The following RAD54L2 variants were observed in gnomAD, a reference collection of about 807,000 sequenced individuals.
RAD54L2 encodes helicase ARIP4.
Under a neutral mutation model 138.4 loss-of-function variants are expected in RAD54L2, and 27 were observed. That is an observed-to-expected ratio of 0.20 (90% CI 0.14 to 0.27). RAD54L2 has a LOEUF of 0.27. RAD54L2 is among the 10% of genes least tolerant of loss of function. The probability of loss-of-function intolerance (pLI) is 1.00; values close to 1 mark genes in which losing one functional copy is unlikely to be tolerated. For missense variants in RAD54L2, 1,396 were observed against 1,890.2 expected, an observed-to-expected ratio of 0.74 and a Z score of 4.85; for synonymous variants, 644 against 723.2, an observed-to-expected ratio of 0.89 and a Z score of 1.76.
intron 19 of RAD54L2, among the ~76,000 whole-genome samples, chr3:51,653,723 T>A (rs558758011): frequency 2.6e-5 from 4 of 152,178 alleles, no homozygotes; most frequent in Non-Finnish European, 2.9e-5. Context: ...TAGGTGGGAA[T>A]TGAACAATGA....
chr3:51,575,715 T>C (rs988618085), intron 2 of RAD54L2, among the ~76,000 whole-genome samples: 1 of 152,252 alleles, frequency 6.6e-6, no homozygotes, highest in African/African-American at 2.4e-5. Flanking sequence ...GAGACTTTGC[T>C]GAAGTTGCTT....
At chr3:51,576,092 T>C (rs1378511290) in intron 2 of RAD54L2, among the ~76,000 whole-genome samples, 7 of 152,234 alleles carry the variant, frequency 4.6e-5, no homozygotes, top group Admixed American at 4.6e-4. Context: ...CTTTTCTGCA[T>C]CTATTGAGAT....
intron 2 of RAD54L2, among the ~76,000 whole-genome samples, chr3:51,573,978 T>C (rs1277091673): frequency 1.3e-5 from 2 of 151,268 alleles, no homozygotes; most frequent in Non-Finnish European, 2.9e-5. Flanking sequence ...GTGTGTCTCT[T>C]AATGCTATCC....
intron 3 of RAD54L2, among the ~76,000 whole-genome samples, chr3:51,613,983 C>A (rs1015597613): frequency 6.6e-6 from 1 of 152,056 alleles, no homozygotes; most frequent in Admixed American, 6.6e-5. Flanking sequence ...TGCTAAACGT[C>A]CTACAGCATG....
chr3:51,608,537 G>A (rs1018891569), intron 3 of RAD54L2, among the ~76,000 whole-genome samples: 2 of 152,176 alleles, frequency 1.3e-5, no homozygotes, highest in Admixed American at 1.3e-4. Context: ...CCTGGGCAAC[G>A]TTGAGCACTG....
chr3:51,574,470 A>G (rs1416677620), intron 2 of RAD54L2, among the ~76,000 whole-genome samples: 2 of 152,158 alleles, frequency 1.3e-5, no homozygotes, highest in African/African-American at 2.4e-5. Flanking sequence ...CAACAGTGTA[A>G]AAGTGTTCCT....
intron 5 of RAD54L2, among the ~76,000 whole-genome samples, chr3:51,629,819 C>A (rs139854135): frequency 3.3e-5 from 5 of 151,914 alleles, no homozygotes; most frequent in East Asian, 1.9e-4. Flanking sequence ...GCTGAGACTG[C>A]GCCACTGTAC....
At chr3:51,595,996 G>A (rs1355969753) in intron 3 of RAD54L2, among the ~76,000 whole-genome samples, 4 of 146,776 alleles carry the variant, frequency 2.7e-5, no homozygotes, top group African/African-American at 7.5e-5. Flanking sequence ...GTGCAGTGGC[G>A]TGATCACGAC....
chr3:51,571,227 A>C (rs1011028229), intron 2 of RAD54L2, among the ~76,000 whole-genome samples: 3 of 152,074 alleles, frequency 2.0e-5, no homozygotes, highest in Admixed American at 1.3e-4. Flanking sequence ...TTTCCATTAA[A>C]ATATTTTCTC....
At chr3:51,577,219 A>T (rs1425354914) in intron 2 of RAD54L2, among the ~76,000 whole-genome samples, 1 of 152,174 alleles carries the variant, frequency 6.6e-6, no homozygotes, top group Non-Finnish European at 1.5e-5. Context: ...ACAGTTTGTT[A>T]TAATTTCTGT....
intron 2 of RAD54L2, among the ~76,000 whole-genome samples, chr3:51,562,749 C>T (rs1013684497): frequency 1.3e-5 from 2 of 152,100 alleles, no homozygotes; most frequent in Non-Finnish European, 2.9e-5. Flanking sequence ...CTGTGCTCAG[C>T]GATCCTTCTG....
intron 3 of RAD54L2, among the ~76,000 whole-genome samples, chr3:51,611,006 C>T (rs1042148873): frequency 6.6e-6 from 1 of 152,106 alleles, no homozygotes; most frequent in Non-Finnish European, 1.5e-5. Flanking sequence ...ATTTTTATTT[C>T]TTCCCATGTT....
intron 2 of RAD54L2, among the ~76,000 whole-genome samples, chr3:51,576,471 T>C (rs983080474): frequency 2.6e-5 from 4 of 152,232 alleles, no homozygotes; most frequent in Admixed American, 1.3e-4. Flanking sequence ...TGAATCCATC[T>C]GGTCCTGGAC....
intron 2 of RAD54L2, among the ~76,000 whole-genome samples, chr3:51,579,527 C>T (rs1559623811): frequency 6.6e-6 from 1 of 152,228 alleles, no homozygotes; most frequent in East Asian, 1.9e-4. Flanking sequence ...TTTATTATTA[C>T]TTAAAATATG....
chr3:51,571,821 G>A lies in RAD54L2; in HGVS notation c.-54-18546G>A, dbSNP rs369460271. 1.4e-4 allele frequency among the ~76,000 whole-genome samples: 21 copies of A among 151,930 alleles called. No homozygotes were observed. In the South Asian group the frequency reaches 2.7e-3, roughly 20 times the overall value. ...TATTATTTTCCACTTATAGAAATAG[G>A]GGTTTTTTTTTACTTCATTTTTTAT... On this transcript the variant is annotated intron_variant, in intron 2 of 22. Coordinates refer to ENST00000684192, the MANE Select transcript of RAD54L2 (RefSeq NM_015106.4).
chr3:51,595,404 G>A (rs1699938785), intron 3 of RAD54L2, among the ~76,000 whole-genome samples: 1 of 152,152 alleles, frequency 6.6e-6, no homozygotes. Context: ...GGATTTGTAG[G>A]GCAGATTGAA....
chr3:51,585,048 C>T (rs1485222105), intron 2 of RAD54L2, among the ~76,000 whole-genome samples: 4 of 151,686 alleles, frequency 2.6e-5, no homozygotes, highest in African/African-American at 4.8e-5. Flanking sequence ...TGGGCTCAAA[C>T]GATTCTCCTG....
intron 3 of RAD54L2, 120 bp downstream of exon 3, chr3:51,590,679 G>T: frequency 6.0e-6 from 8 of 1,331,900 alleles, no homozygotes; most frequent in Non-Finnish European, 8.4e-6. Context: ...GGAAGATACA[G>T]ACTAGGAACT....
At chr3:51,565,067 C>T (rs1158147437) in intron 2 of RAD54L2, among the ~76,000 whole-genome samples, 1 of 152,206 alleles carries the variant, frequency 6.6e-6, no homozygotes, top group Non-Finnish European at 1.5e-5. Flanking sequence ...CTACTCACTA[C>T]TCAGTCTAAT....
Sources: gnomAD v4.1 joint callset for allele counts (sites outside exome capture counted in the v4.1 genomes callset) on GRCh38, gnomAD v4.1.1 for gene constraint, MANE v1.5 for transcripts, NCBI Gene and HGNC (gene_info 2026-07-23, HGNC 2026-07-21) for gene names.